Variants in ADAMTS20 observed in about 807,000 individuals in gnomAD.
ADAMTS20 encodes ADAM metallopeptidase with thrombospondin type 1 motif 20.
ADAMTS20 carries 225 observed loss-of-function variants against 260.1 expected under a neutral mutation model. The observed-to-expected ratio is 0.87, with a 90% confidence interval of 0.78 to 0.97. ADAMTS20 has a LOEUF of 0.97. ADAMTS20 is among the 50% of genes least tolerant of loss of function. The pLI, the probability that ADAMTS20 is intolerant of heterozygous loss-of-function variation, is 0.00. For synonymous variants in ADAMTS20, 802 were observed against 769.5 expected (o/e 1.04, Z -0.70); for missense variants, 2,400 against 2,337.7 (o/e 1.03, Z -0.55).
Position 43,466,803 on chromosome 12 carries a change from T to G in ADAMTS20, c.1224-8A>C, listed in dbSNP as rs539683294. 4.4e-6 allele frequency: 7 copies of G among 1,573,762 alleles called. No individual in the cohort carries two copies. Among genetic ancestry groups the G allele is most frequent in the South Asian group, 1.1e-5 (1 of 87,034 alleles). On this transcript the variant is annotated splice_polypyrimidine_tract_variant and splice_region_variant and intron_variant, in intron 8 of 38. Transcript: ENST00000389420. ...TCATGTTGAACACCAAGTCTAAAAA[T>G]AAAAATAAACACTTAAAAGGAATAT... is the stretch of plus-strand genomic sequence containing the variant.
Position 43,430,457 on chromosome 12 carries a change from A to G in ADAMTS20, c.3276T>C (p.Cys1092=). 3.1e-6 allele frequency: 5 copies of G among 1,612,406 alleles called. No homozygotes were observed. The highest frequency in any genetic ancestry group is 1.7e-5 in the Admixed American group (1 of 59,960). Residue 1092 remains cysteine (C), a synonymous_variant, in exon 23 of 39, where the codon TGT becomes TGC. Transcript: ENST00000389420. ...VGPWGPCTTT[C]GHGYQMRDVK... ...CATCTCGCATCTGATACCCATGTCC[A>G]CATGTGGTTGTGCACTGAAAGAAGA... is the stretch of plus-strand genomic sequence containing the variant.
chr12:43,502,035 A>T, intron 4 of ADAMTS20, 117 bp downstream of exon 4: 1 of 952,390 alleles, frequency 1.0e-6, no homozygotes, highest in Non-Finnish European at 1.5e-6. Context: ...TTTTTGGCTT[A>T]AACCTAGATA....
chr12:43,416,987 T>C (rs1003982783), intron 28 of ADAMTS20, among the ~76,000 whole-genome samples: 1 of 152,216 alleles, frequency 6.6e-6, no homozygotes, highest in Non-Finnish European at 1.5e-5. Context: ...ATTTTCTGAC[T>C]TCCTATGACA....
chr12:43,528,210 T>C (rs1423797990), intron 3 of ADAMTS20, among the ~76,000 whole-genome samples: 1 of 150,522 alleles, frequency 6.6e-6, no homozygotes, highest in Admixed American at 6.6e-5. Flanking sequence ...CAAACAGAAA[T>C]ACATCCCATG....
chr12:43,510,207 C>G (rs2137461542), intron 3 of ADAMTS20, among the ~76,000 whole-genome samples: 1 of 151,976 alleles, frequency 6.6e-6, no homozygotes, highest in African/African-American at 2.4e-5. Flanking sequence ...CAAACTCTTC[C>G]AAATATACAA....
intron 36 of ADAMTS20, among the ~76,000 whole-genome samples, chr12:43,374,423 T>C (rs986843146): frequency 6.6e-6 from 1 of 152,200 alleles, no homozygotes; most frequent in Non-Finnish European, 1.5e-5. Flanking sequence ...CATGTAGATA[T>C]GTAACTTTCT....
intron 4 of ADAMTS20, among the ~76,000 whole-genome samples, chr12:43,496,628 AT>A (rs1055064265): frequency 6.6e-6 from 1 of 151,790 alleles, no homozygotes; most frequent in Non-Finnish European, 1.5e-5. Context: ...AAATGAGTTG[AT>A]TTTTTTTGTC....
chr12:43,426,450 T>C (rs1227575888), intron 27 of ADAMTS20, among the ~76,000 whole-genome samples: 2 of 150,768 alleles, frequency 1.3e-5, no homozygotes, highest in African/African-American at 4.9e-5. Flanking sequence ...AATTATGTGC[T>C]AAAAATCATT....
At chr12:43,531,323 A>G (rs1019423666) in intron 3 of ADAMTS20, among the ~76,000 whole-genome samples, 2 of 151,920 alleles carry the variant, frequency 1.3e-5, no homozygotes, top group African/African-American at 4.8e-5. Context: ...TTTTTTTTTC[A>G]TCTAAAATCC....
intron 38 of ADAMTS20, among the ~76,000 whole-genome samples, chr12:43,354,626 C>T (rs1592020616): frequency 6.6e-6 from 1 of 152,198 alleles, no homozygotes; most frequent in East Asian, 1.9e-4. Flanking sequence ...GTATTTGCTT[C>T]AGTGAGTTTA....
rs1363018028 is a variant in ADAMTS20, at chr12:43,476,226, C to G, written c.1118-7521G>C. Among the ~76,000 whole-genome samples, 12 of 69,534 alleles carry G rather than the reference C, an allele frequency of 1.7e-4. 2 individuals are homozygous for G. Among genetic ancestry groups the G allele is most frequent in the Non-Finnish European group, 5.5e-5 (2 of 36,596 alleles). 45.6% of individuals were successfully genotyped at this position (69,534 alleles called of 152,430 possible). ...TCTCAAAAGAAGACATTTATGCAGC[C>G]AAAAAACACATGAAAAAATGCTCAT... On this transcript the variant is annotated intron_variant, in intron 7 of 38. Transcript: ENST00000389420.
chr12:43,500,773 C>G (rs1429023743), intron 4 of ADAMTS20, among the ~76,000 whole-genome samples: 1 of 148,976 alleles, frequency 6.7e-6, no homozygotes, highest in African/African-American at 2.5e-5. Flanking sequence ...TATTGAGTAC[C>G]CACACTGTAT....
chr12:43,403,393 T>A (rs185442099), intron 28 of ADAMTS20, among the ~76,000 whole-genome samples: 1 of 152,244 alleles, frequency 6.6e-6, no homozygotes, highest in East Asian at 1.9e-4. Flanking sequence ...CCTTGTTTTT[T>A]TTTAGGCTTC....
chr12:43,472,297 A>G (rs1942278394), intron 7 of ADAMTS20, among the ~76,000 whole-genome samples: 1 of 152,018 alleles, frequency 6.6e-6, no homozygotes, highest in South Asian at 2.1e-4. Context: ...AAAAGAATGA[A>G]AAGAAATGAG....
chr12:43,533,322 T>C (rs1943251774), intron 2 of ADAMTS20, among the ~76,000 whole-genome samples: 1 of 151,758 alleles, frequency 6.6e-6, no homozygotes, highest in Non-Finnish European at 1.5e-5. Flanking sequence ...TGAGCATTTC[T>C]TCATGTGTTT....
intron 3 of ADAMTS20, among the ~76,000 whole-genome samples, chr12:43,517,436 A>G (rs955016330): frequency 6.6e-6 from 1 of 152,064 alleles, no homozygotes; most frequent in Non-Finnish European, 1.5e-5. Flanking sequence ...AAATGATATC[A>G]TTTACAATAC....
chr12:43,537,293 G>A (rs1943309817), intron 2 of ADAMTS20, among the ~76,000 whole-genome samples: 1 of 151,548 alleles, frequency 6.6e-6, no homozygotes, highest in South Asian at 2.1e-4. Context: ...GAGTTCAAGT[G>A]GTCCACCCAC....
chr12:43,456,700 C>G (rs1202191520), intron 11 of ADAMTS20, among the ~76,000 whole-genome samples: 2 of 152,160 alleles, frequency 1.3e-5, no homozygotes, highest in Non-Finnish European at 1.5e-5. Context: ...ACTCCTGACA[C>G]AGATAGACCC....
rs1943502303 is a variant in ADAMTS20 at position 43,550,895 on chromosome 12, C to G, written c.453+14G>C. The G allele has an allele frequency of 6.6e-7, 1 of 1,523,068 alleles. No homozygotes were observed. The highest frequency in any genetic ancestry group is 8.8e-7 in the Non-Finnish European group (1 of 1,134,102). 94.3% of individuals were successfully genotyped at this position (1,523,068 alleles called of 1,614,324 possible). On this transcript the variant is annotated intron_variant, in intron 2 of 38. Coordinates refer to ENST00000389420, the MANE Select transcript of ADAMTS20 (RefSeq NM_025003.5). ...GGATCCCAAGAAAATGCCAAGGGAC[C>G]CGAGGACACTCACCAGGCCTCCGCA...
Sources: gnomAD v4.1 joint callset for allele counts (sites outside exome capture counted in the v4.1 genomes callset) on GRCh38, gnomAD v4.1.1 for gene constraint, MANE v1.5 for transcripts, NCBI Gene and HGNC (gene_info 2026-07-23, HGNC 2026-07-21) for gene names.